POLA1: variants seen among roughly 807,000 people sequenced by gnomAD.
POLA1 encodes DNA polymerase alpha 1, catalytic subunit, also known as DNA polymerase alpha catalytic subunit.
Under a neutral mutation model 124.0 loss-of-function variants are expected in POLA1, and 15 were observed. The ratio of observed to expected loss-of-function variants is 0.12; its 90% CI spans 0.08 to 0.19. POLA1 has a LOEUF of 0.19. Ranked by LOEUF, POLA1 falls within the 10% of genes least tolerant of loss-of-function variation. The probability of loss-of-function intolerance (pLI) is 1.00; values close to 1 mark genes in which losing one functional copy is unlikely to be tolerated. For missense variants in POLA1, 886 were observed against 1,103.4 expected (o/e 0.80, Z 2.79); for synonymous variants, 408 against 389.4 (o/e 1.05, Z -0.56).
chrX:24,879,915 T>C (rs760755666), intron 34 of POLA1, among the ~76,000 whole-genome samples: 33 of 111,863 alleles, frequency 3.0e-4, no homozygotes, highest in African/African-American at 1.0e-3. Context: ...TGGTAATTGT[T>C]GGCCTTCTGT....
rs959094157 is a variant in POLA1, at chrX:24,995,980, T to C, written c.*30T>C. The C allele has an allele frequency of 3.3e-5, 39 of 1,183,393 alleles. No homozygotes were observed. The highest frequency in any genetic ancestry group is 4.3e-5 in the Non-Finnish European group (38 of 876,487). ...ATCCCAGGAGTAACCAAGGAGGGGGTAGTTGAAAAATCCCAGCTTCCTCTG... is the reference window on the plus strand; with the variant it reads ...ATCCCAGGAGTAACCAAGGAGGGGGCAGTTGAAAAATCCCAGCTTCCTCTG... On this transcript the variant is annotated 3_prime_UTR_variant, in exon 37 of 37. Coordinates refer to ENST00000379068, the MANE Select transcript of POLA1 (RefSeq NM_001330360.2).
At chrX:24,937,886 G>A (rs111928219) in intron 36 of POLA1, among the ~76,000 whole-genome samples, 6 of 112,100 alleles carry the variant, frequency 5.4e-5, no homozygotes, top group African/African-American at 1.9e-4. Flanking sequence ...AACTATGCAG[G>A]CTACAGAAGG....
At chrX:24,699,135 G>A (rs750722991) in intron 1 of POLA1, among the ~76,000 whole-genome samples, 1 of 112,162 alleles carries the variant, frequency 8.9e-6, no homozygotes, top group African/African-American at 3.2e-5. Context: ...CTTGTTTAGT[G>A]TCTCCGCAGG....
intron 26 of POLA1, among the ~76,000 whole-genome samples, chrX:24,768,063 C>T (rs1224226062): frequency 8.9e-6 from 1 of 112,430 alleles, no homozygotes; most frequent in Non-Finnish European, 1.9e-5. Flanking sequence ...GAGTATTTGC[C>T]TGTGCAACAG....
At chrX:24,814,955 TTG>T in intron 29 of POLA1, 22 bp from the exon 30 acceptor site, 13 of 1,117,810 alleles carry the variant, frequency 1.2e-5, no homozygotes, top group South Asian at 2.2e-5. Context: ...TGTCTTTGTT[TTG>T]TTTTTTTTTT....
chrX:24,985,385 T>G (rs2048470310), intron 36 of POLA1, among the ~76,000 whole-genome samples: 1 of 112,927 alleles, frequency 8.9e-6, no homozygotes, highest in Admixed American at 9.3e-5. Flanking sequence ...TAACCCTTAC[T>G]CCATAATAAT....
chrX:24,727,960 G>A (rs759732116), intron 15 of POLA1, 24 bp downstream of exon 15: 1 of 1,168,311 alleles, frequency 8.6e-7, no homozygotes, highest in East Asian at 3.0e-5. Context: ...GACAGATTTT[G>A]TACCCATGCC....
At chrX:24,972,336 C>T (rs779481386) in intron 36 of POLA1, among the ~76,000 whole-genome samples, 1 of 112,105 alleles carries the variant, frequency 8.9e-6, no homozygotes, top group South Asian at 3.7e-4. Flanking sequence ...TTCAGAAGAA[C>T]TTAGGGGAAA....
At position 24,995,976 on chromosome X, in the gene POLA1, G is replaced by C. The variant is rs374941044; in HGVS notation, c.*26G>C. On this transcript the variant is annotated 3_prime_UTR_variant, in exon 37 of 37. Coordinates refer to ENST00000379068, the MANE Select transcript of POLA1 (RefSeq NM_001330360.2). ...GGGAATCCCAGGAGTAACCAAGGAGGGGGTAGTTGAAAAATCCCAGCTTCC... is the reference window on the plus strand; with the variant it reads ...GGGAATCCCAGGAGTAACCAAGGAGCGGGTAGTTGAAAAATCCCAGCTTCC... The C allele has an allele frequency of 6.7e-6, 8 of 1,192,649 alleles. No individual in the cohort carries two copies. The highest frequency in any genetic ancestry group is 2.3e-4 in the Middle Eastern group (1 of 4,269).
At chrX:24,760,079 C>T (rs1278906655) in intron 26 of POLA1, among the ~76,000 whole-genome samples, 1 of 112,113 alleles carries the variant, frequency 8.9e-6, no homozygotes, top group East Asian at 2.8e-4. Context: ...AGTTATTAAC[C>T]ACTATTCACC....
intron 36 of POLA1, 151 bp downstream of exon 36, chrX:24,930,700 A>C: frequency 4.4e-6 from 2 of 458,908 alleles, no homozygotes; most frequent in Non-Finnish European, 7.6e-6. Flanking sequence ...GATCCCCTGC[A>C]TGAGGGGCGG....
chrX:24,761,853 C>T lies in POLA1; in HGVS notation c.2964+12861C>T, dbSNP rs111645235. ...AAATGACATTGCTTGTGACCCACTG[C>T]CTTGAGAGGAAAGCCTTCGGTAATG... is the stretch of plus-strand genomic sequence containing the variant. On this transcript the variant is annotated intron_variant, in intron 26 of 36. Transcript: ENST00000379068. Among the ~76,000 whole-genome samples the T allele has an allele frequency of 5.9e-3, 654 of 111,771 alleles. 6 individuals carry two copies. Among genetic ancestry groups the T allele is most frequent in the African/African-American group, 0.02 (614 of 30,724 alleles).
intron 26 of POLA1, among the ~76,000 whole-genome samples, chrX:24,750,454 G>A (rs1054218570): frequency 8.9e-6 from 1 of 112,339 alleles, no homozygotes; most frequent in Non-Finnish European, 1.9e-5. Context: ...ATAGACAAAT[G>A]TAGCTAGTGG....
chrX:24,745,066 A>AT (rs757505679), intron 23 of POLA1, among the ~76,000 whole-genome samples: 100 of 98,299 alleles, frequency 1.0e-3, no homozygotes, highest in African/African-American at 1.6e-3. Context: ...AGAGTTGAAC[A>AT]TTTTTTTTTT....
At chrX:24,751,896 T>C (rs1040872308) in intron 26 of POLA1, among the ~76,000 whole-genome samples, 3 of 111,895 alleles carry the variant, frequency 2.7e-5, no homozygotes, top group Admixed American at 9.5e-5. Flanking sequence ...CAGAATAATA[T>C]AGTAACCTGC....
intron 36 of POLA1, 35 bp from the exon 37 acceptor site, chrX:24,995,770 C>T (rs369481706): frequency 8.6e-7 from 1 of 1,160,574 alleles, no homozygotes; most frequent in Non-Finnish European, 1.2e-6. Flanking sequence ...AAAGAAACTA[C>T]CTGAGACTTC....
chrX:24,801,924 G>GGTGGGTGTGTGTGTGT (rs1555994716), intron 26 of POLA1, among the ~76,000 whole-genome samples: 15 of 74,544 alleles, frequency 2.0e-4, no homozygotes, highest in African/African-American at 4.9e-4. Flanking sequence ...GAGGTGGGTG[G>GGTGGGTGTGTGTGTGT]GTGTGTGTGT....
intron 26 of POLA1, among the ~76,000 whole-genome samples, chrX:24,755,103 T>G (rs748765054): frequency 8.9e-6 from 1 of 112,424 alleles, no homozygotes; most frequent in Non-Finnish European, 1.9e-5. Flanking sequence ...TGAGGCTTTA[T>G]TGATAAGAGC....
chrX:24,863,473 G>A (rs2046749323), intron 34 of POLA1, among the ~76,000 whole-genome samples: 1 of 111,715 alleles, frequency 9.0e-6, no homozygotes, highest in Non-Finnish European at 1.9e-5. Context: ...CCCAAGGGCC[G>A]AAATAATTGA....
Sources: allele counts gnomAD v4.1 joint callset (sites outside exome capture counted in the v4.1 genomes callset), GRCh38; gene constraint gnomAD v4.1.1; transcripts MANE v1.5; gene names NCBI Gene and HGNC (gene_info 2026-07-23, HGNC 2026-07-21).